The following LAMB2 variants were observed in gnomAD, a reference collection of about 807,000 sequenced individuals.
LAMB2 encodes laminin subunit beta-2.
In LAMB2, 119 loss-of-function variants were observed where a neutral mutation model predicts 202.7. That is an observed-to-expected ratio of 0.59 (90% CI 0.51 to 0.68). The LOEUF is 0.68. Among genes scored for constraint, LAMB2 ranks in the 30% least tolerant of loss-of-function variants. The pLI is 0.00. For missense variants in LAMB2, 2,124 were observed against 2,410.6 expected, an observed-to-expected ratio of 0.88 and a Z score of 2.49; for synonymous variants, 818 against 902.2, an observed-to-expected ratio of 0.91 and a Z score of 1.67.
chr3:49,124,722 C>G lies in LAMB2; in HGVS notation c.3088G>C (p.Ala1030Pro). Residue 1030 changes from alanine (A) to proline (P), a missense_variant, in exon 21 of 32, where the codon GCT becomes CCT. This residue lies in a region of LAMB2 where 1,702 missense variants were observed against 1,896.3 expected (regional missense o/e 0.90). Transcript: ENST00000305544. Reference protein sequence around the residue: ...AHCKPGFHGQAARQSCHRCTC... With the variant: ...AHCKPGFHGQPARQSCHRCTC... ...TCACGGTGACAGCTCTGTCGGGCAGCCTGCCCATGGAAGCCAGGCTTGCAG... is the reference window on the plus strand; with the variant it reads ...TCACGGTGACAGCTCTGTCGGGCAGGCTGCCCATGGAAGCCAGGCTTGCAG... 1.2e-6 allele frequency: 2 copies of G among 1,614,184 alleles called. No homozygotes were observed. The highest frequency in any genetic ancestry group is 1.1e-5 in the South Asian group (1 of 91,088).
intron 29 of LAMB2, 21 bp from the exon 30 acceptor site, chr3:49,121,881 G>T (rs752266133): frequency 1.2e-6 from 2 of 1,613,404 alleles, no homozygotes; most frequent in East Asian, 2.2e-5. Flanking sequence ...TGAGCCAAAG[G>T]TTACACAGAT....
In LAMB2 at chr3:49,125,809, A is replaced by G. The variant is rs779938869; in HGVS notation, c.2426T>C (p.Val809Ala). ...GGCACAGAGGTCACAGCGGCGCCCA[A>G]CCACTCCAGGCTTGCACAGGCACTG... is the stretch of plus-strand genomic sequence containing the variant. ...GGQCLCKPGV[V>A]GRRCDLCAPG... The change falls in exon 18 of 32, where the codon GTT becomes GCT. Residue 809 changes from valine (V) to alanine (A), a missense_variant. Transcript: ENST00000305544. The G allele has an allele frequency of 1.9e-6, 3 of 1,614,158 alleles. No individual in the cohort carries two copies. The highest frequency in any genetic ancestry group is 1.1e-5 in the South Asian group (1 of 91,082).
At position 49,123,525 on chromosome 3, in the gene LAMB2, G is replaced by A. The variant is rs756680527; in HGVS notation, c.3904C>T (p.Arg1302Ter). ...GTGAGATTAAGTGCAAGCCTATCTC[G>A]CTCCAGACCACTTAGTGCATGGTTG... Reference protein sequence around the residue: ...NANHALSGLERDRLALNLTLR... With the variant: ...NANHALSGLE The change falls in exon 25 of 32, where the codon CGA (arginine) becomes TGA (stop). Residue 1302 changes from arginine (R) to a stop codon, truncating the protein, a stop_gained. Transcript: ENST00000305544. LOFTEE classifies it high-confidence loss of function. 13 of 1,614,038 alleles carry A rather than the reference G, an allele frequency of 8.1e-6. No individual in the cohort carries two copies. The highest frequency in any genetic ancestry group is 1.1e-5 in the Non-Finnish European group (13 of 1,180,042).
rs760060166 is a variant in LAMB2 at position 49,128,749 on chromosome 3, C to G, written c.1802G>C (p.Arg601Pro). 3 of 1,614,124 alleles carry G rather than the reference C, an allele frequency of 1.9e-6. No homozygotes were observed. Among genetic ancestry groups the G allele is most frequent in the East Asian group, 4.5e-5 (2 of 44,884 alleles). Reference protein sequence around the residue: ...TPSWTGSGFVRLQEGQTLEFL... With the variant: ...TPSWTGSGFVPLQEGQTLEFL... ...CTCCAGGGTCTGACCTTCCTGTAGC[C>G]GCACGAAGCCTGAGCCAGTCCAGGA... The change falls in exon 14 of 32, where the codon CGG (arginine) becomes CCG (proline). Residue 601 changes from arginine (R) to proline (P), a missense_variant. Coordinates refer to ENST00000305544, the MANE Select transcript of LAMB2 (RefSeq NM_002292.4).
chr3:49,129,967 TG>T lies in LAMB2; in HGVS notation c.1276del (p.His426MetfsTer71), dbSNP rs2107643346. On this transcript the variant is annotated frameshift_variant, in exon 10 of 32. Transcript: ENST00000305544. LOFTEE classifies it high-confidence loss of function. The surrounding 1 kb of genome is among the most constrained non-coding windows in gnomAD (Gnocchi z 6.1). Reference protein sequence around the residue: ...GSQDGGRCDSHDDPALGLVSG... With the variant: ...GSQDGGRCDSXDDPALGLVSG... ...GACCAGTCCCAGTGCAGGGTCATCA[TG>T]GGAATCACAGCGACCACCGTCTTGA... 27 of 1,614,034 alleles carry T rather than the reference TG, an allele frequency of 1.7e-5. No homozygotes were observed. Among genetic ancestry groups the T allele is most frequent in the Non-Finnish European group, 2.3e-5 (27 of 1,180,018 alleles).
Position 49,130,885 on chromosome 3 carries a change from T to G in LAMB2, c.916-25A>C. The G allele has an allele frequency of 6.2e-7, 1 of 1,614,136 alleles. No individual in the cohort carries two copies. On this transcript the variant is annotated intron_variant, in intron 7 of 31. Transcript: ENST00000305544. This position sits in a 1 kb window ranked among gnomAD's most constrained non-coding sequence, Gnocchi z 5.0. ...CCTATAGAGGTTGGCAGGTAGGTTG[T>G]CAGCACTGCTCAGCCATGTCCGCCC... is the stretch of plus-strand genomic sequence containing the variant.
chr3:49,132,082 G>C lies in LAMB2; in HGVS notation c.459+34C>G. On this transcript the variant is annotated intron_variant, in intron 4 of 31. Coordinates refer to ENST00000305544, the MANE Select transcript of LAMB2 (RefSeq NM_002292.4). The surrounding 1 kb of genome is among the most constrained non-coding windows in gnomAD (Gnocchi z 4.6). The stretch of plus-strand genomic sequence containing the variant: ...CCAGGGGCAATGGAGAGCCAAGCAG[G>C]GTGATTCGGGCAGGCTCCCAGATAT... 6.3e-7 allele frequency: 1 copy of C among 1,597,124 alleles called. No individual in the cohort carries two copies. The highest frequency in any genetic ancestry group is 2.2e-5 in the East Asian group (1 of 44,786).
rs1176742907 is a variant in LAMB2 at position 49,130,137 on chromosome 3, T to C, written c.1225+94A>G. The C allele has an allele frequency of 4.4e-6, 7 of 1,589,692 alleles. No homozygotes were observed. In the East Asian group the frequency reaches 1.1e-4, roughly 25 times the overall value. ...CTGGTCAAGTTCTATCCCAAGCCCC[T>C]AACCCCAATTTCCTGCAATTTAGAC... On this transcript the variant is annotated intron_variant, in intron 9 of 31. Transcript: ENST00000305544. This position sits in a 1 kb window ranked among gnomAD's most constrained non-coding sequence, Gnocchi z 5.0.
Position 49,130,442 on chromosome 3 carries a change from G to A in LAMB2, c.1037-23C>T. ...ACTCTGGCAGGGGAGGAAGGGCAGG[G>A]CAAAGGCCACATGAGGAACCAGGTC... On this transcript the variant is annotated intron_variant, in intron 8 of 31. Transcript: ENST00000305544. The surrounding 1 kb of genome is among the most constrained non-coding windows in gnomAD (Gnocchi z 5.0). 1.2e-6 allele frequency: 2 copies of A among 1,613,566 alleles called. No individual in the cohort carries two copies. The highest frequency in any genetic ancestry group is 1.7e-6 in the Non-Finnish European group (2 of 1,179,798).
chr3:49,132,784 C>T lies in LAMB2; in HGVS notation c.76+8G>A, dbSNP rs1166702026. The T allele has an allele frequency of 6.2e-6, 10 of 1,614,094 alleles. No homozygotes were observed. The highest frequency in any genetic ancestry group is 1.3e-5 in the African/African-American group (1 of 74,952). On this transcript the variant is annotated splice_region_variant and intron_variant, in intron 1 of 31. Coordinates refer to ENST00000305544, the MANE Select transcript of LAMB2 (RefSeq NM_002292.4). The surrounding 1 kb of genome is among the most constrained non-coding windows in gnomAD (Gnocchi z 4.6). ...CCACAACCCCCAGCCCCCACCAGGC[C>T]CTCTCACCGCTTAGCAGTAGGCCCA...
In LAMB2 at chr3:49,131,365, G is replaced by T. The variant is rs766701047; in HGVS notation, c.712+14C>A. ...GACACGGACTGTGCCAGACTCAAAG[G>T]GTGGAGCACTCACTCTGAATCCGTG... On this transcript the variant is annotated intron_variant, in intron 6 of 31. Coordinates refer to ENST00000305544, the MANE Select transcript of LAMB2 (RefSeq NM_002292.4). This position sits in a 1 kb window ranked among gnomAD's most constrained non-coding sequence, Gnocchi z 5.0. 5.6e-6 allele frequency: 9 copies of T among 1,613,388 alleles called. No homozygotes were observed.
chr3:49,122,496 A>G (rs2045338723), intron 27 of LAMB2, 126 bp from the exon 28 acceptor site: 1 of 1,011,102 alleles, frequency 9.9e-7, no homozygotes, highest in African/African-American at 1.6e-5. Flanking sequence ...TAAGGATATA[A>G]TCACAAGGAC....
At chr3:49,122,503 G>A (rs1267961362) in intron 27 of LAMB2, 133 bp from the exon 28 acceptor site, 4 of 982,858 alleles carry the variant, frequency 4.1e-6, no homozygotes, top group Non-Finnish European at 6.4e-6. Flanking sequence ...ATAATCACAA[G>A]GACAGGGACT....
Position 49,132,832 on chromosome 3 carries a change from C to A in LAMB2, c.36G>T (p.Gln12His). ...CCAGTCGAAGTTCCCAGGGCAGAGG[C>A]TGTCCCCTCCCTCTTTCCCTTGAGG... Reference protein sequence around the residue: ...ELTSRERGRGQPLPWELRLGL... With the variant: ...ELTSRERGRGHPLPWELRLGL... The change falls in exon 1 of 32, where the codon CAG becomes CAT. Residue 12 changes from glutamine to histidine, a missense_variant. Coordinates refer to ENST00000305544, the MANE Select transcript of LAMB2 (RefSeq NM_002292.4). The surrounding 1 kb of genome is among the most constrained non-coding windows in gnomAD (Gnocchi z 4.6). The A allele has an allele frequency of 6.2e-7, 1 of 1,614,180 alleles. No homozygotes were observed. The highest frequency in any genetic ancestry group is 8.5e-7 in the Non-Finnish European group (1 of 1,180,026).
Position 49,122,778 on chromosome 3 carries a change from G to A in LAMB2, c.4499C>T (p.Ala1500Val). 6.2e-7 allele frequency: 1 copy of A among 1,614,060 alleles called. No homozygotes were observed. The highest frequency in any genetic ancestry group is 1.1e-5 in the South Asian group (1 of 91,080). ...GGCCTGTTCCACCTGTCCCCTGGAA[G>A]CATTAGCCTTGTCCAGGGCTGCCTG... ...RAQAALDKAN[A>V]SRGQVEQANQ... Residue 1500 changes from alanine (A) to valine (V), a missense_variant, in exon 27 of 32, where the codon GCT becomes GTT. Ala to Val is a moderately conservative substitution (Grantham distance 64, BLOSUM62 0). This residue lies in a region of LAMB2 where 1,702 missense variants were observed against 1,896.3 expected (regional missense o/e 0.90). Coordinates refer to ENST00000305544, the MANE Select transcript of LAMB2 (RefSeq NM_002292.4).
In LAMB2 at chr3:49,122,724, C is replaced by T. The variant is rs1206666874; in HGVS notation, c.4553G>A (p.Ser1518Asn). ...CTCACGGTTGAGGAAGTCCTTCACA[C>T]TCTGGATAAGTTCTTGAAGTTCCTG... ...ANQELQELIQSVKDFLNQEGA... is the reference protein window; with the variant it reads ...ANQELQELIQNVKDFLNQEGA... Residue 1518 changes from serine to asparagine, a missense_variant, in exon 27 of 32, where the codon AGT becomes AAT. Physicochemically the swap from Ser to Asn is conservative, Grantham distance 46. Coordinates refer to ENST00000305544, the MANE Select transcript of LAMB2 (RefSeq NM_002292.4). 2 of 1,614,050 alleles carry T rather than the reference C, an allele frequency of 1.2e-6. No homozygotes were observed. Among genetic ancestry groups the T allele is most frequent in the South Asian group, 1.1e-5 (1 of 91,084 alleles).
At position 49,122,231 on chromosome 3, in the gene LAMB2, C is replaced by A. The variant is rs1022902714; in HGVS notation, c.4713G>T (p.Ala1571=). The A allele has an allele frequency of 6.2e-7, 1 of 1,613,476 alleles. No individual in the cohort carries two copies. The highest frequency in any genetic ancestry group is 1.1e-5 in the South Asian group (1 of 91,088). Reference sequence around the variant, plus strand: ...CATCTCCTACAGTACGTGCCAGGATCGCATCCACATCTGCCAGGCTCCGGA... The same window carrying A: ...CATCTCCTACAGTACGTGCCAGGATAGCATCCACATCTGCCAGGCTCCGGA... ...ERVRSLADVD[A]ILARTVGDVR... The change falls in exon 28 of 32, where the codon GCG becomes GCT. Residue 1571 remains alanine (A), a synonymous_variant. Coordinates refer to ENST00000305544, the MANE Select transcript of LAMB2 (RefSeq NM_002292.4).
In LAMB2 at chr3:49,123,280, C is replaced by T; in HGVS notation, c.4076G>A (p.Ser1359Asn). The part of the protein sequence containing the change: ...TSALAVPSPV[S>N]NSASARHRTE... ...CCGATGCCGAGCACTTGCCGAGTTGCTCACAGGGCTAGGTACTGCCAGGGC... is the reference window on the plus strand; with the variant it reads ...CCGATGCCGAGCACTTGCCGAGTTGTTCACAGGGCTAGGTACTGCCAGGGC... Residue 1359 changes from serine to asparagine, a missense_variant, in exon 26 of 32, where the codon AGC (serine) becomes AAC (asparagine). By Grantham distance (46) the Ser-to-Asn change is conservative. Around this residue, in one of 3 missense-constraint regions of LAMB2, gnomAD observed 1,702 missense variants for 1,896.3 expected, o/e 0.90. Coordinates refer to ENST00000305544, the MANE Select transcript of LAMB2 (RefSeq NM_002292.4). 6.2e-7 allele frequency: 1 copy of T among 1,614,120 alleles called. No homozygotes were observed. Among genetic ancestry groups the T allele is most frequent in the Non-Finnish European group, 8.5e-7 (1 of 1,180,048 alleles).
intron 15 of LAMB2, among the ~76,000 whole-genome samples, chr3:49,127,674 G>A (rs1052155828): frequency 1.2e-4 from 18 of 148,914 alleles, no homozygotes; most frequent in East Asian, 4.1e-4. Context: ...CAGCCTGGGC[G>A]ACAGAGCAAG....
Sources: gnomAD v4.1 joint callset for allele counts (sites outside exome capture counted in the v4.1 genomes callset) on GRCh38, gnomAD v4.1.1 for gene constraint, gnomAD v4.1.1 regional missense constraint, Gnocchi (gnomAD v3.1) non-coding constraint, MANE v1.5 for transcripts, NCBI Gene and HGNC (gene_info 2026-07-23, HGNC 2026-07-21) for gene names.